Variants in GALNT15 observed in about 807,000 individuals in gnomAD.
GALNT15 encodes polypeptide N-acetylgalactosaminyltransferase 15.
GALNT15 carries 67 observed loss-of-function variants against 66.8 expected under a neutral mutation model. That is an observed-to-expected ratio of 1.00 (90% CI 0.82 to 1.23). The LOEUF (loss-of-function observed/expected upper bound fraction) is 1.23, where lower values mean the gene tolerates loss of function less well. Ranked by LOEUF, GALNT15 falls within the 50% of genes most tolerant of loss-of-function variation. GALNT15 has a pLI of 0.00. For synonymous variants in GALNT15, 313 were observed against 311.5 expected, an observed-to-expected ratio of 1.00 and a Z score of -0.05; for missense variants, 827 against 804.3, an observed-to-expected ratio of 1.03 and a Z score of -0.34.
At chr3:16,206,781 G>T (rs1211977446) in intron 3 of GALNT15, among the ~76,000 whole-genome samples, 1 of 151,004 alleles carries the variant, frequency 6.6e-6, no homozygotes, top group Non-Finnish European at 1.5e-5. Flanking sequence ...GTCCTCTTAT[G>T]ATTGCTGAAG....
intron 6 of GALNT15, among the ~76,000 whole-genome samples, chr3:16,218,128 CA>C (rs1335363644): frequency 6.6e-6 from 1 of 152,238 alleles, no homozygotes; most frequent in Non-Finnish European, 1.5e-5. Flanking sequence ...ATTTCTCAGG[CA>C]GATGCTCAGG....
At chr3:16,233,327 T>G (rs2064103341), downstream of GALNT15, among the ~76,000 whole-genome samples, 1 of 151,866 alleles carries the variant, frequency 6.6e-6, no homozygotes, top group Non-Finnish European at 1.5e-5. Flanking sequence ...ACTCCTGACC[T>G]CAGGTGATCC....
chr3:16,237,657 C>T, the GALNT15 span, among the ~76,000 whole-genome samples: 1 of 152,144 alleles, frequency 6.6e-6, no homozygotes, highest in Non-Finnish European at 1.5e-5. The surrounding 1 kb of genome is among the most constrained non-coding windows in gnomAD (Gnocchi z 4.2). Flanking sequence ...AAGTCCTGTT[C>T]CCCCACCACT....
rs1331822824 is a variant in GALNT15, at chr3:16,174,826, CATT to C, written c.-322_-320del. On this transcript the variant is annotated 5_prime_UTR_variant, in exon 1 of 10. Coordinates refer to ENST00000339732, the MANE Select transcript of GALNT15 (RefSeq NM_054110.5). The surrounding 1 kb of genome is among the most constrained non-coding windows in gnomAD (Gnocchi z 4.7). ...AAGAAACACCTGAGCAGAATGGAAT[CATT>C]ATTTTTTTCCCAAGGAGAAAACCGG... 27 of 345,786 alleles carry C rather than the reference CATT, an allele frequency of 7.8e-5. No individual in the cohort carries two copies. Among genetic ancestry groups the C allele is most frequent in the African/African-American group, 3.5e-4 (17 of 48,788 alleles). 21.4% of individuals were successfully genotyped at this position (345,786 alleles called of 1,614,324 possible). A position where few individuals can be genotyped will look rare whatever the true frequency, so the allele number is the denominator to read the frequency against.
chr3:16,231,897 ATCC>A, downstream of GALNT15: 2 of 1,535,892 alleles, frequency 1.3e-6, no homozygotes, highest in Non-Finnish European at 1.7e-6. The surrounding 1 kb of genome is among the most constrained non-coding windows in gnomAD (Gnocchi z 4.1). Context: ...TCATTCAGAG[ATCC>A]TCAAGAAGGC....
intron 3 of GALNT15, among the ~76,000 whole-genome samples, chr3:16,206,670 C>CA (rs2063760711): frequency 1.4e-5 from 1 of 69,566 alleles, no homozygotes; most frequent in Non-Finnish European, 2.6e-5. Flanking sequence ...GAGACTCTGT[C>CA]TAAAAAAAAA....
At position 16,219,667 on chromosome 3, in the gene GALNT15, C is replaced by G. The variant is rs541743579; in HGVS notation, c.1524+133C>G. Reference sequence around the variant, plus strand: ...GGCCTCAGAGGCCTTGGGTCCATCCCGTGCCTCCATGCCAGTCTGAGGAAG... The same window carrying G: ...GGCCTCAGAGGCCTTGGGTCCATCCGGTGCCTCCATGCCAGTCTGAGGAAG... On this transcript the variant is annotated intron_variant, in intron 7 of 9. Coordinates refer to ENST00000339732, the MANE Select transcript of GALNT15 (RefSeq NM_054110.5). The surrounding 1 kb of genome is among the most constrained non-coding windows in gnomAD (Gnocchi z 4.3). The G allele has an allele frequency of 7.8e-7, 1 of 1,283,892 alleles. No homozygotes were observed. Among genetic ancestry groups the G allele is most frequent in the Non-Finnish European group, 1.1e-6 (1 of 920,694 alleles). The allele number at this position is 1,283,892 out of a possible 1,614,324, so 79.5% of individuals were successfully genotyped here.
rs1461424680 is a variant in GALNT15, at chr3:16,182,192, AC to A, written c.539+6506del. On this transcript the variant is annotated intron_variant, in intron 1 of 9. Transcript: ENST00000339732. The surrounding 1 kb of genome is among the most constrained non-coding windows in gnomAD (Gnocchi z 6.1). The stretch of plus-strand genomic sequence containing the variant: ...AGCCTCAGAAATGCAGACCCTTCAG[AC>A]CCCACTTAAACCTACTAGATGAAAT... 6.6e-6 allele frequency among the ~76,000 whole-genome samples: 1 copy of A among 152,028 alleles called. No individual in the cohort carries two copies. The highest frequency in any genetic ancestry group is 1.5e-5 in the Non-Finnish European group (1 of 68,010).
At chr3:16,238,577 A>G in the GALNT15 span, among the ~76,000 whole-genome samples, 52 of 152,116 alleles carry the variant, frequency 3.4e-4, no homozygotes, top group Non-Finnish European at 6.0e-4. The surrounding 1 kb of genome is among the most constrained non-coding windows in gnomAD (Gnocchi z 4.8). Context: ...TCCGTTTTAT[A>G]TTATCTCATT....
chr3:16,212,305 C>T (rs1040989507), intron 5 of GALNT15, among the ~76,000 whole-genome samples: 1 of 152,132 alleles, frequency 6.6e-6, no homozygotes, highest in Non-Finnish European at 1.5e-5. Context: ...GTTTGAAGGG[C>T]AGCATATTCA....
intron 2 of GALNT15, among the ~76,000 whole-genome samples, chr3:16,197,303 C>CAA (rs2063649166): frequency 6.6e-6 from 1 of 152,208 alleles, no homozygotes; most frequent in African/African-American, 2.4e-5. Context: ...TAAGCTGCCC[C>CAA]CTCCTGGCCA....
In GALNT15 at chr3:16,229,601, C is replaced by T. The variant is rs2064062497; in HGVS notation, c.*2101C>T. 1.2e-5 allele frequency: 12 copies of T among 985,208 alleles called. No individual in the cohort carries two copies. The highest frequency in any genetic ancestry group is 1.4e-5 in the Non-Finnish European group (12 of 829,894). 61.0% of individuals were successfully genotyped at this position (985,208 alleles called of 1,614,324 possible). A position where few individuals can be genotyped will look rare whatever the true frequency, so the allele number is the denominator to read the frequency against. On this transcript the variant is annotated 3_prime_UTR_variant, in exon 10 of 10. Transcript: ENST00000339732. ...GACGGAGCTACAAATTCTCAGATGG[C>T]GACCGTGTAAATGGTATTAGCGGCT...
At position 16,227,205 on chromosome 3, in the gene GALNT15, A is replaced by G. The variant is rs1184452041; in HGVS notation, c.1774-149A>G. The G allele has an allele frequency of 6.1e-6, 5 of 819,702 alleles. No individual in the cohort carries two copies. The highest frequency in any genetic ancestry group is 3.2e-5 in the Admixed American group (1 of 31,392). The allele number at this position is 819,702 out of a possible 1,614,324, so 50.8% of individuals were successfully genotyped here. The stretch of plus-strand genomic sequence containing the variant: ...TTTAGGGCTACCTAATTTATATTTT[A>G]TGTTGATCAAAATACCACAATTCCT... On this transcript the variant is annotated intron_variant, in intron 9 of 9. Transcript: ENST00000339732. This position sits in a 1 kb window ranked among gnomAD's most constrained non-coding sequence, Gnocchi z 4.5.
intron 1 of GALNT15, among the ~76,000 whole-genome samples, chr3:16,192,208 C>T (rs2063586668): frequency 6.6e-6 from 1 of 152,216 alleles, no homozygotes; most frequent in Admixed American, 6.5e-5. Context: ...CACGCACACA[C>T]ACGTGCACAT....
downstream of GALNT15, among the ~76,000 whole-genome samples, chr3:16,230,967 AAAAG>A (rs1443899176): frequency 6.6e-6 from 1 of 152,206 alleles, no homozygotes; most frequent in African/African-American, 2.4e-5. This position sits in a 1 kb window ranked among gnomAD's most constrained non-coding sequence, Gnocchi z 4.5. Flanking sequence ...GCAGCCATAA[AAAAG>A]AATGAGTTCA....
At chr3:16,199,382 C>T (rs907784103) in intron 2 of GALNT15, among the ~76,000 whole-genome samples, 6 of 141,940 alleles carry the variant, frequency 4.2e-5, no homozygotes, top group Non-Finnish European at 7.8e-5. Flanking sequence ...TTTCATCTTC[C>T]GTTTTCTCTC....
At position 16,229,124 on chromosome 3, in the gene GALNT15, C is replaced by G. The variant is rs913335609; in HGVS notation, c.*1624C>G. ...GATGCTAATCTCCTTTGGGCTGTCTCAGAACACAGTATCCTTCAAATAAGA... is the reference window on the plus strand; with the variant it reads ...GATGCTAATCTCCTTTGGGCTGTCTGAGAACACAGTATCCTTCAAATAAGA... On this transcript the variant is annotated 3_prime_UTR_variant, in exon 10 of 10. Coordinates refer to ENST00000339732, the MANE Select transcript of GALNT15 (RefSeq NM_054110.5). 7.1e-6 allele frequency: 7 copies of G among 985,288 alleles called. No individual in the cohort carries two copies. Among genetic ancestry groups the G allele is most frequent in the African/African-American group, 1.7e-5 (1 of 57,244 alleles). 61.0% of individuals were successfully genotyped at this position (985,288 alleles called of 1,614,324 possible).
At chr3:16,247,370 CTG>C in the GALNT15 span, among the ~76,000 whole-genome samples, 5 of 152,226 alleles carry the variant, frequency 3.3e-5, no homozygotes, top group African/African-American at 1.2e-4. Context: ...GAAGGAGAAA[CTG>C]TGGCTTGCCC....
In GALNT15 at chr3:16,219,393, TC is replaced by T; in HGVS notation, c.1393-8del. 6.2e-7 allele frequency: 1 copy of T among 1,613,510 alleles called. No homozygotes were observed. On this transcript the variant is annotated splice_polypyrimidine_tract_variant and intron_variant, in intron 6 of 9. Transcript: ENST00000339732. The surrounding 1 kb of genome is among the most constrained non-coding windows in gnomAD (Gnocchi z 4.3). ...TTTCATCATCCTGCTTGTGTCTTTC[TC>T]CTCCCCAGGCTGAGAAGCCAGACTG...
Sources: gnomAD v4.1 joint callset for allele counts (sites outside exome capture counted in the v4.1 genomes callset) on GRCh38, gnomAD v4.1.1 for gene constraint, Gnocchi (gnomAD v3.1) non-coding constraint, MANE v1.5 for transcripts, NCBI Gene and HGNC (gene_info 2026-07-23, HGNC 2026-07-21) for gene names.